Variants in BMERB1 observed in about 807,000 individuals in gnomAD.
BMERB1 encodes bMERB domain containing 1.
Under a neutral mutation model 23.6 loss-of-function variants are expected in BMERB1, and 12 were observed. The ratio of observed to expected loss-of-function variants is 0.51; its 90% CI spans 0.33 to 0.82. The LOEUF (loss-of-function observed/expected upper bound fraction) is 0.82, where lower values mean the gene tolerates loss of function less well. Ranked by LOEUF, BMERB1 falls within the 40% of genes least tolerant of loss-of-function variation. The pLI is 0.03. For missense variants in BMERB1, 247 were observed against 255.4 expected, an observed-to-expected ratio of 0.97 and a Z score of 0.22; for synonymous variants, 122 against 96.6, an observed-to-expected ratio of 1.26 and a Z score of -1.54.
intron 3 of BMERB1, among the ~76,000 whole-genome samples, chr16:15,579,216 G>A (rs1379771440): frequency 1.3e-5 from 2 of 152,142 alleles, no homozygotes; most frequent in Non-Finnish European, 2.9e-5. Flanking sequence ...GTCACACCAC[G>A]AGCTCCTGAG....
chr16:15,448,822 C>T (rs1301053539), intron 1 of BMERB1, among the ~76,000 whole-genome samples: 2 of 152,038 alleles, frequency 1.3e-5, no homozygotes, highest in Admixed American at 6.6e-5. Context: ...AGAGTTGTTC[C>T]TGATGCTGCC....
intron 1 of BMERB1, among the ~76,000 whole-genome samples, chr16:15,442,075 A>G (rs2050943769): frequency 6.6e-6 from 1 of 152,158 alleles, no homozygotes; most frequent in African/African-American, 2.4e-5. Flanking sequence ...TGAAGCCTGT[A>G]ATCCCAGCAC....
chr16:15,577,772 T>A (rs2030907187), intron 3 of BMERB1, among the ~76,000 whole-genome samples: 1 of 152,260 alleles, frequency 6.6e-6, no homozygotes, highest in Admixed American at 6.5e-5. Context: ...ACACAGTGTA[T>A]TTACAGAAGT....
At chr16:15,528,727 A>G (rs916842511) in intron 2 of BMERB1, among the ~76,000 whole-genome samples, 6 of 151,016 alleles carry the variant, frequency 4.0e-5, no homozygotes, top group African/African-American at 1.2e-4. Flanking sequence ...CCCTGGTGCT[A>G]TGATCTGAAT....
At chr16:15,535,420 G>T (rs1353558097) in intron 2 of BMERB1, among the ~76,000 whole-genome samples, 1 of 152,014 alleles carries the variant, frequency 6.6e-6, no homozygotes, top group Non-Finnish European at 1.5e-5. Context: ...GGCCAAGGTG[G>T]GTGGATCATG....
At chr16:15,481,396 G>A (rs555597147) in intron 1 of BMERB1, among the ~76,000 whole-genome samples, 1 of 152,134 alleles carries the variant, frequency 6.6e-6, no homozygotes, top group African/African-American at 2.4e-5. Flanking sequence ...GTGTGGTGGT[G>A]GGCACCTGTA....
chr16:15,452,014 C>G (rs1230394362), intron 1 of BMERB1, among the ~76,000 whole-genome samples: 1 of 151,980 alleles, frequency 6.6e-6, no homozygotes, highest in Non-Finnish European at 1.5e-5. Context: ...GGCACAGTGG[C>G]TTACGCCTGA....
intron 2 of BMERB1, among the ~76,000 whole-genome samples, chr16:15,547,280 G>A (rs1018427843): frequency 4.0e-5 from 6 of 151,188 alleles, no homozygotes; most frequent in African/African-American, 9.7e-5. Flanking sequence ...CTAAAGTGCT[G>A]GGATTGTACA....
intron 2 of BMERB1, among the ~76,000 whole-genome samples, chr16:15,526,812 C>T (rs370641191): frequency 1.1e-4 from 17 of 150,530 alleles, no homozygotes; most frequent in East Asian, 9.7e-4. Context: ...ATGGGGCACA[C>T]GGGGCCGTCT....
chr16:15,468,394 C>CT (rs1177124371), intron 1 of BMERB1, among the ~76,000 whole-genome samples: 1 of 152,066 alleles, frequency 6.6e-6, no homozygotes, highest in African/African-American at 2.4e-5. Flanking sequence ...GATCCACCCA[C>CT]TTGTCTTCCC....
intron 1 of BMERB1, among the ~76,000 whole-genome samples, chr16:15,499,420 A>C (rs1018215726): frequency 9.9e-5 from 15 of 151,986 alleles, no homozygotes; most frequent in South Asian, 4.2e-4. Flanking sequence ...TAAAAAACAA[A>C]AAAAAAAAGT....
chr16:15,575,124 A>T (rs1431061319), intron 3 of BMERB1, among the ~76,000 whole-genome samples: 2 of 152,096 alleles, frequency 1.3e-5, no homozygotes, highest in Non-Finnish European at 2.9e-5. Context: ...GGTCAGCAGA[A>T]AAGAATGGCA....
chr16:15,582,479 C>A (rs1168578984), intron 4 of BMERB1, among the ~76,000 whole-genome samples: 1 of 152,160 alleles, frequency 6.6e-6, no homozygotes, highest in Non-Finnish European at 1.5e-5. Flanking sequence ...GCTTCCAGAT[C>A]TAGAAGAAAT....
chr16:15,448,934 C>T (rs2051015264), intron 1 of BMERB1, among the ~76,000 whole-genome samples: 1 of 152,140 alleles, frequency 6.6e-6, no homozygotes, highest in Non-Finnish European at 1.5e-5. Flanking sequence ...GAACCGGCAG[C>T]CAAGTGACAG....
intron 1 of BMERB1, among the ~76,000 whole-genome samples, chr16:15,506,469 G>A (rs1210143372): frequency 6.6e-6 from 1 of 152,120 alleles, no homozygotes; most frequent in Non-Finnish European, 1.5e-5. Flanking sequence ...ACTGTGCCCA[G>A]CCCCCTCCTA....
rs938672571 is a variant in BMERB1 at position 15,503,440 on chromosome 16, C to T, written c.107-11865C>T. On this transcript the variant is annotated intron_variant, in intron 1 of 5. Coordinates refer to ENST00000300006, the MANE Select transcript of BMERB1 (RefSeq NM_033201.3). ...GGGACTACAGGCGCCTGCCACCACG[C>T]CCGGCTATTTTTTTTTTTTTTTTTT... 8.0e-5 allele frequency among the ~76,000 whole-genome samples: 10 copies of T among 125,580 alleles called. No homozygotes were observed. In the South Asian group the frequency reaches 1.5e-3, roughly 19 times the overall value. 82.4% of individuals were successfully genotyped at this position (125,580 alleles called of 152,430 possible).
chr16:15,496,060 G>A (rs2084198864), intron 1 of BMERB1, among the ~76,000 whole-genome samples: 1 of 150,708 alleles, frequency 6.6e-6, no homozygotes, highest in African/African-American at 2.5e-5. Flanking sequence ...GGTGGTGATG[G>A]TGATGATGAC....
rs2031179658 is a variant in BMERB1 at position 15,587,481 on chromosome 16, C to G, written c.*652C>G. 1 of 422,736 alleles carries G rather than the reference C, an allele frequency of 2.4e-6. No individual in the cohort carries two copies. The highest frequency in any genetic ancestry group is 4.8e-6 in the Non-Finnish European group (1 of 207,282). 26.2% of individuals were successfully genotyped at this position (422,736 alleles called of 1,614,324 possible). A position where few individuals can be genotyped will look rare whatever the true frequency, so the allele number is the denominator to read the frequency against. On this transcript the variant is annotated 3_prime_UTR_variant, in exon 6 of 6. Transcript: ENST00000300006. ...GGCACAGTTCACATCAGGACAGCGT[C>G]CATTGTGCTCTCAGTCTGCCTCAGG...
chr16:15,580,535 G>A lies in BMERB1; in HGVS notation c.305-682G>A, dbSNP rs1039432690. Among the ~76,000 whole-genome samples the A allele has an allele frequency of 6.6e-5, 10 of 150,774 alleles. No homozygotes were observed. The East Asian group carries it at 9.8e-4, about 15-fold the overall frequency. On this transcript the variant is annotated intron_variant, in intron 3 of 5. Transcript: ENST00000300006. ...GTCAGGTCTCCAATCAATCCTGGCCGCTCAGCTCAAGTGCTTTTTTTTTTT... is the reference window on the plus strand; with the variant it reads ...GTCAGGTCTCCAATCAATCCTGGCCACTCAGCTCAAGTGCTTTTTTTTTTT...
Sources: allele counts gnomAD v4.1 joint callset (sites outside exome capture counted in the v4.1 genomes callset), GRCh38; gene constraint gnomAD v4.1.1; transcripts MANE v1.5; gene names NCBI Gene and HGNC (gene_info 2026-07-23, HGNC 2026-07-21).